The following KPRP variants were observed in gnomAD, a reference collection of about 807,000 sequenced individuals.
KPRP encodes the protein keratinocyte proline rich protein.
For synonymous variants in KPRP, 282 were observed against 276.9 expected, an observed-to-expected ratio of 1.02 and a Z score of -0.18; for missense variants, 820 against 746.4, an observed-to-expected ratio of 1.10 and a Z score of -1.15.
chr1:152,761,496 G>T, exon 1 of KPRP: 3 of 1,335,058 alleles, frequency 2.2e-6, no homozygotes, highest in Non-Finnish European at 3.0e-6. Context: ...ATCCACACCT[G>T]GGTCTCAGAT....
At position 152,760,326 on chromosome 1, in the gene KPRP, GCA is replaced by G; in HGVS notation, c.740_741del (p.His247ProfsTer29). 6.2e-7 allele frequency: 1 copy of G among 1,614,134 alleles called. No individual in the cohort carries two copies. The highest frequency in any genetic ancestry group is 8.5e-7 in the Non-Finnish European group (1 of 1,180,028). On this transcript the variant is annotated frameshift_variant, in exon 1 of 1. Transcript: ENST00000606109. LOFTEE classifies it low-confidence loss of function (END_TRUNC). Reference sequence around the variant, plus strand: ...GCTCCTATGGGAGCTTCACTGAACAGCACCGCTCTCGGAGCACCAGCAGATGC... The same window carrying G: ...GCTCCTATGGGAGCTTCACTGAACAGCCGCTCTCGGAGCACCAGCAGATGC...
exon 1 of KPRP, chr1:152,759,561 G>T (rs751094095): frequency 1.1e-5 from 17 of 1,600,576 alleles, no homozygotes; most frequent in Non-Finnish European, 3.4e-6. Context: ...TTGCCCTCAG[G>T]TCACTCTTGA....
At chr1:152,761,029 C>A in exon 1 of KPRP, 1 of 1,613,300 alleles carries the variant, frequency 6.2e-7, no homozygotes, top group Non-Finnish European at 8.5e-7. Flanking sequence ...GCCAATTCCC[C>A]TGCCGGCGCC....
At chr1:152,760,880 G>T (rs1651101403) in exon 1 of KPRP, 1 of 1,614,142 alleles carries the variant, frequency 6.2e-7, no homozygotes, top group African/African-American at 1.3e-5. Flanking sequence ...TCAGAACCTT[G>T]TTTGTATCCA....
At chr1:152,761,404 T>C in exon 1 of KPRP, 1 of 1,515,180 alleles carries the variant, frequency 6.6e-7, no homozygotes, top group Non-Finnish European at 8.8e-7. Flanking sequence ...TCCAGTACGC[T>C]CTTGTTTGAA....
At chr1:152,759,491 T>A, upstream of KPRP, 3 of 1,495,274 alleles carry the variant, frequency 2.0e-6, no homozygotes, top group Non-Finnish European at 2.7e-6. Flanking sequence ...AGATGCAGGG[T>A]GTCTTCCTCT....
chr1:152,760,155 C>G (rs747885191), exon 1 of KPRP: 43 of 1,614,026 alleles, frequency 2.7e-5, no homozygotes, highest in Non-Finnish European at 3.4e-5. Flanking sequence ...GCTCCTATAG[C>G]AGTTGTGGCC....
chr1:152,761,351 C>A, exon 1 of KPRP: 1 of 1,587,166 alleles, frequency 6.3e-7, no homozygotes, highest in Non-Finnish European at 8.6e-7. Flanking sequence ...TGAGATAACC[C>A]TCTCTCCTGC....
chr1:152,760,275 C>G (rs369212452), exon 1 of KPRP: 1 of 1,614,064 alleles, frequency 6.2e-7, no homozygotes, highest in African/African-American at 1.3e-5. Flanking sequence ...CATTTAGTCC[C>G]TGTGTGCCCC....
chr1:152,761,622 G>T, exon 1 of KPRP: 1 of 329,142 alleles, frequency 3.0e-6, no homozygotes, highest in South Asian at 4.2e-5. Context: ...AGATGTCCCT[G>T]CCTCCAAGCC....
chr1:152,759,504 G>A (rs1289030901), upstream of KPRP: 1 of 1,524,640 alleles, frequency 6.6e-7, no homozygotes, highest in African/African-American at 1.4e-5. Flanking sequence ...CTTCCTCTAG[G>A]TCCTGGCACC....
At chr1:152,759,525 C>T (rs1651037662), upstream of KPRP, 19 of 1,554,294 alleles carry the variant, frequency 1.2e-5, no homozygotes, top group Middle Eastern at 1.8e-4. Flanking sequence ...CCCTCTCCAA[C>T]TCTCACCCTC....
At chr1:152,760,819 G>A in exon 1 of KPRP, 1 of 1,614,122 alleles carries the variant, frequency 6.2e-7, no homozygotes, top group East Asian at 2.2e-5. Context: ...TCTGCGCCCA[G>A]AACCATGCAT....
exon 1 of KPRP, chr1:152,760,796 C>T: frequency 1.2e-6 from 2 of 1,614,118 alleles, no homozygotes; most frequent in Non-Finnish European, 1.7e-6. Flanking sequence ...CCACCTCCTG[C>T]TCCACGTCCA....
exon 1 of KPRP, chr1:152,760,914 A>G (rs145693230): frequency 6.2e-7 from 1 of 1,613,774 alleles, no homozygotes; most frequent in African/African-American, 1.3e-5. Flanking sequence ...CACTACGTCC[A>G]ACACCGCGGC....
upstream of KPRP, among the ~76,000 whole-genome samples, chr1:152,758,504 T>TTGTC (rs1651011230): frequency 6.6e-6 from 1 of 152,196 alleles, no homozygotes; most frequent in Admixed American, 6.5e-5. Context: ...GATGAGCCTG[T>TTGTC]TGTCAAATGA....
exon 1 of KPRP, chr1:152,759,859 A>T: frequency 6.2e-7 from 1 of 1,614,044 alleles, no homozygotes. Context: ...TCAGTCTAAG[A>T]CCACCCAGGT....
exon 1 of KPRP, chr1:152,760,846 C>T (rs1651099847): frequency 6.2e-7 from 1 of 1,614,032 alleles, no homozygotes; most frequent in African/African-American, 1.3e-5. Context: ...AGAACCACGC[C>T]CGCGTCCTCT....
At chr1:152,761,086 C>T (rs142207177) in exon 1 of KPRP, 51 of 1,613,924 alleles carry the variant, frequency 3.2e-5, no homozygotes, top group Non-Finnish European at 4.3e-5. Context: ...CAGCCCCAGC[C>T]CATGCTGGGG....
Sources: gnomAD v4.1 joint callset for allele counts (sites outside exome capture counted in the v4.1 genomes callset) on GRCh38, gnomAD v4.1.1 for gene constraint, MANE v1.5 for transcripts, NCBI Gene and HGNC (gene_info 2026-07-23, HGNC 2026-07-21) for gene names.